The following ZBTB46 variants were observed in gnomAD, a reference collection of about 807,000 sequenced individuals.
ZBTB46 encodes zinc finger and BTB domain containing 46.
In ZBTB46, 8 loss-of-function variants were observed where a neutral mutation model predicts 44.1. The ratio of observed to expected loss-of-function variants is 0.18; its 90% CI spans 0.11 to 0.33. The LOEUF (loss-of-function observed/expected upper bound fraction) is 0.33. Ranked by LOEUF, ZBTB46 falls within the 10% of genes least tolerant of loss-of-function variation. The pLI is 1.00. For synonymous variants in ZBTB46, 409 were observed against 382.3 expected (o/e 1.07, Z -0.81); for missense variants, 651 against 847.7 (o/e 0.77, Z 2.88).
intron 1 of ZBTB46, among the ~76,000 whole-genome samples, chr20:63,818,871 C>CAAAA (rs141702422): frequency 7.5e-5 from 6 of 79,958 alleles, no homozygotes; most frequent in African/African-American, 2.8e-4. Context: ...AACTCCAGCT[C>CAAAA]AAAAAAAAAA....
chr20:63,810,716 A>G (rs191798537), intron 1 of ZBTB46, among the ~76,000 whole-genome samples: 2 of 152,344 alleles, frequency 1.3e-5, no homozygotes, highest in Non-Finnish European at 2.9e-5. Flanking sequence ...ACTGCACTCC[A>G]GTCTGGGCAA....
Position 63,798,685 on chromosome 20 carries a change from A to AAAAAAAAAAAAAAAAAAAAAAAAC in ZBTB46, c.-33-7896_-33-7895insGTTTTTTTTTTTTTTTTTTTTTTT, listed in dbSNP as rs1417351365. On this transcript the variant is annotated intron_variant, in intron 1 of 4. Transcript: ENST00000245663. ...GCTAGACTCTGTCTCAAAAAAAAAA[A>AAAAAAAAAAAAAAAAAAAAAAAAC]AAAAAAAATTAGCTGGGCATGGTAG... is the stretch of plus-strand genomic sequence containing the variant. Among the ~76,000 whole-genome samples, 27 of 127,954 alleles carry AAAAAAAAAAAAAAAAAAAAAAAAC rather than the reference A, an allele frequency of 2.1e-4. 1 individual carries two copies. The highest frequency in any genetic ancestry group is 2.6e-4 in the Non-Finnish European group (16 of 60,540). The allele number at this position is 127,954 out of a possible 152,430, so 83.9% of individuals were successfully genotyped here.
At position 63,790,375 on chromosome 20, in the gene ZBTB46, G is replaced by A. The variant is rs757611491; in HGVS notation, c.383C>T (p.Ala128Val). ...VQACHDFIKA[A>V]LDISIKSDAS... ...GTCCGACTTGATGCTGATGTCCAGC[G>A]CCGCCTTGATGAAGTCGTGGCAGGC... Residue 128 changes from alanine (A) to valine (V), a missense_variant, in exon 2 of 5, where the codon GCG becomes GTG. Around this residue, in one of 5 missense-constraint regions of ZBTB46, gnomAD observed 385 missense variants for 423.3 expected, o/e 0.91. Coordinates refer to ENST00000245663, the MANE Select transcript of ZBTB46 (RefSeq NM_001369741.1). 2 of 1,613,096 alleles carry A rather than the reference G, an allele frequency of 1.2e-6. No individual in the cohort carries two copies. Among genetic ancestry groups the A allele is most frequent in the Non-Finnish European group, 1.7e-6 (2 of 1,179,920 alleles).
chr20:63,770,777 G>A (rs1051020032), intron 3 of ZBTB46, among the ~76,000 whole-genome samples: 11 of 152,198 alleles, frequency 7.2e-5, no homozygotes, highest in Admixed American at 1.3e-4. Flanking sequence ...ACCCCGTACC[G>A]CAAAGGGGCA....
At chr20:63,806,071 G>A (rs552631069) in intron 1 of ZBTB46, among the ~76,000 whole-genome samples, 7 of 150,270 alleles carry the variant, frequency 4.7e-5, no homozygotes, top group South Asian at 2.2e-4. Flanking sequence ...CACCATGCCC[G>A]GCCCCAACTT....
At chr20:63,773,529 T>G (rs752465475) in intron 3 of ZBTB46, among the ~76,000 whole-genome samples, 24 of 151,908 alleles carry the variant, frequency 1.6e-4, no homozygotes, top group Non-Finnish European at 3.1e-4. Context: ...CCTGAATGAG[T>G]GTATACGACG....
intron 3 of ZBTB46, among the ~76,000 whole-genome samples, chr20:63,772,958 C>T (rs1601433842): frequency 1.3e-5 from 2 of 152,302 alleles, no homozygotes; most frequent in South Asian, 4.1e-4. Context: ...GGGCCCAGAA[C>T]AGAAAAGCCC....
At position 63,744,418 on chromosome 20, in the gene ZBTB46, A is replaced by G. The variant is rs2092068444; in HGVS notation, c.*2512T>C. 6.6e-6 allele frequency: 1 copy of G among 152,076 alleles called. No individual in the cohort carries two copies. The highest frequency in any genetic ancestry group is 1.5e-5 in the Non-Finnish European group (1 of 68,038). The allele number at this position is 152,076 out of a possible 1,614,324, so 9.4% of individuals were successfully genotyped here. On this transcript the variant is annotated 3_prime_UTR_variant, in exon 5 of 5. Transcript: ENST00000245663. The stretch of plus-strand genomic sequence containing the variant: ...CCCTGCCCCCTCCCCGCCCCCAAAT[A>G]ACACCATCCCCAATGGACTGTATTT...
Position 63,774,698 on chromosome 20 carries a change from GTT to G in ZBTB46, c.1222+978_1222+979del, listed in dbSNP as rs56678555. 5.6e-5 allele frequency among the ~76,000 whole-genome samples: 4 copies of G among 71,752 alleles called. No individual in the cohort carries two copies. The East Asian group carries it at 2.5e-3, about 44-fold the overall frequency. The allele number at this position is 71,752 out of a possible 152,430, so 47.1% of individuals were successfully genotyped here. On this transcript the variant is annotated intron_variant, in intron 3 of 4. Coordinates refer to ENST00000245663, the MANE Select transcript of ZBTB46 (RefSeq NM_001369741.1). ...GGGCTGGCTGCGGTGGGTTTTTTTT[GTT>G]TTTTTTTTTGTTTTTTTTTTTGAGA...
At chr20:63,822,333 G>A (rs1366122041) in intron 1 of ZBTB46, among the ~76,000 whole-genome samples, 2 of 152,212 alleles carry the variant, frequency 1.3e-5, no homozygotes, top group Non-Finnish European at 2.9e-5. Flanking sequence ...ACCCATGGGG[G>A]AGACGGGCAC....
chr20:63,826,669 G>A (rs2092821085), intron 1 of ZBTB46, among the ~76,000 whole-genome samples: 1 of 152,178 alleles, frequency 6.6e-6, no homozygotes, highest in African/African-American at 2.4e-5. Flanking sequence ...AGCTTGCAGT[G>A]AGCCGACATC....
intron 1 of ZBTB46, among the ~76,000 whole-genome samples, chr20:63,827,084 C>A (rs1026614022): frequency 6.6e-6 from 1 of 152,166 alleles, no homozygotes; most frequent in Non-Finnish European, 1.5e-5. Flanking sequence ...GTCCACACAG[C>A]AGTCCAGGCA....
At chr20:63,800,383 G>A (rs2092634323) in intron 1 of ZBTB46, among the ~76,000 whole-genome samples, 1 of 152,210 alleles carries the variant, frequency 6.6e-6, no homozygotes, top group African/African-American at 2.4e-5. Flanking sequence ...GTGATGGTGA[G>A]AGTTGACAGC....
At position 63,790,116 on chromosome 20, in the gene ZBTB46, C is replaced by T. The variant is rs764557406; in HGVS notation, c.642G>A (p.Gln214=). The T allele has an allele frequency of 9.9e-6, 16 of 1,613,910 alleles. No individual in the cohort carries two copies. In the Admixed American group the frequency reaches 2.0e-4, roughly 20 times the overall value. Reference sequence around the variant, plus strand: ...AGCCCACGTCTCCAGGCCATAGAGGCTGTGAAGAAACATCATCAGGGCCAT... The same window carrying T: ...AGCCCACGTCTCCAGGCCATAGAGGTTGTGAAGAAACATCATCAGGGCCAT... ...KADGPDDVSS[Q]PLWPGDVGYG... Residue 214 remains glutamine (Q), a synonymous_variant, in exon 2 of 5, where the codon CAG becomes CAA. Coordinates refer to ENST00000245663, the MANE Select transcript of ZBTB46 (RefSeq NM_001369741.1).
chr20:63,769,656 T>C (rs1419554406), intron 3 of ZBTB46, among the ~76,000 whole-genome samples: 3 of 152,138 alleles, frequency 2.0e-5, no homozygotes, highest in East Asian at 3.8e-4. Flanking sequence ...AGTCGGAGCG[T>C]GAACACCTCT....
At chr20:63,792,929 C>T (rs2092572592) in intron 1 of ZBTB46, among the ~76,000 whole-genome samples, 1 of 152,204 alleles carries the variant, frequency 6.6e-6, no homozygotes. Flanking sequence ...GGGTCCTGGG[C>T]CATCCCCTCC....
At position 63,790,308 on chromosome 20, in the gene ZBTB46, G is replaced by A. The variant is rs1485942598; in HGVS notation, c.450C>T (p.Ser150=). The part of the protein sequence containing the change: ...ELAEFEIGAS[S]SSSTEALISA... The stretch of plus-strand genomic sequence containing the variant: ...AGATGAGAGCTTCCGTGCTGCTGCT[G>A]GACGAGGCGCCGATCTCGAACTCCG... The change falls in exon 2 of 5, where the codon TCC becomes TCT. Residue 150 remains serine (S), a synonymous_variant. Coordinates refer to ENST00000245663, the MANE Select transcript of ZBTB46 (RefSeq NM_001369741.1). 6.2e-7 allele frequency: 1 copy of A among 1,613,076 alleles called. No individual in the cohort carries two copies.
At chr20:63,789,206 C>T (rs2092539918) in intron 2 of ZBTB46, among the ~76,000 whole-genome samples, 1 of 152,102 alleles carries the variant, frequency 6.6e-6, no homozygotes, top group Admixed American at 6.5e-5. Context: ...CAGGTGTCAG[C>T]AGACACAAAA....
intron 1 of ZBTB46, among the ~76,000 whole-genome samples, chr20:63,794,626 C>T (rs573387163): frequency 2.0e-5 from 3 of 152,232 alleles, no homozygotes; most frequent in South Asian, 2.1e-4. Flanking sequence ...AATCTCTCAG[C>T]ATCAGAAATC....
Sources: allele counts gnomAD v4.1 joint callset (sites outside exome capture counted in the v4.1 genomes callset), GRCh38; gene constraint gnomAD v4.1.1; regional missense constraint gnomAD v4.1.1; transcripts MANE v1.5; gene names NCBI Gene and HGNC (gene_info 2026-07-23, HGNC 2026-07-21).